CALN1: variants seen among roughly 807,000 people sequenced by gnomAD.
CALN1 encodes calneuron 1, also known as calcium-binding protein 8.
Under a neutral mutation model 30.6 loss-of-function variants are expected in CALN1, and 17 were observed. That is an observed-to-expected ratio of 0.56 (90% CI 0.38 to 0.83). The LOEUF (loss-of-function observed/expected upper bound fraction) is 0.83. Ranked by LOEUF, CALN1 falls within the 40% of genes least tolerant of loss-of-function variation. The pLI, the probability that CALN1 is intolerant of heterozygous loss-of-function variation, is 0.00. For synonymous variants in CALN1, 156 were observed against 131.4 expected (o/e 1.19, Z -1.28); for missense variants, 291 against 354.9 (o/e 0.82, Z 1.45).
intron 4 of CALN1, among the ~76,000 whole-genome samples, chr7:72,081,173 C>T (rs1805111797): frequency 6.6e-6 from 1 of 152,030 alleles, no homozygotes; most frequent in African/African-American, 2.4e-5. Context: ...TGGAAAAAAC[C>T]ATCTTCAGAA....
chr7:72,395,778 C>A (rs777304814), intron 2 of CALN1, among the ~76,000 whole-genome samples: 2 of 152,038 alleles, frequency 1.3e-5, no homozygotes, highest in Non-Finnish European at 2.9e-5. Flanking sequence ...GTCAATGGAA[C>A]AAGAGCAAGC....
intron 2 of CALN1, among the ~76,000 whole-genome samples, chr7:72,389,703 T>A (rs1585639255): frequency 6.6e-6 from 1 of 152,218 alleles, no homozygotes; most frequent in African/African-American, 2.4e-5. Flanking sequence ...GTGGATCACC[T>A]GAGGTCAGCA....
At chr7:71,994,881 C>T (rs1799167394) in intron 5 of CALN1, among the ~76,000 whole-genome samples, 1 of 142,508 alleles carries the variant, frequency 7.0e-6, no homozygotes, top group Non-Finnish European at 1.5e-5. Flanking sequence ...GAGACGGAGT[C>T]TGGCTCTGTC....
intron 5 of CALN1, among the ~76,000 whole-genome samples, chr7:71,883,313 CCT>C: frequency 6.6e-6 from 1 of 151,976 alleles, no homozygotes; most frequent in Non-Finnish European, 1.5e-5. Context: ...GTTTGGAAGG[CCT>C]AGATGGGAGG....
chr7:71,956,629 T>C lies in CALN1; in HGVS notation c.501+67028A>G, dbSNP rs118150161. Among the ~76,000 whole-genome samples the C allele has an allele frequency of 8.9e-3, 1,345 of 150,942 alleles. 8 individuals carry two copies. Among genetic ancestry groups the C allele is most frequent in the Non-Finnish European group, 0.014 (930 of 67,710 alleles). ...GGGGCTGACTGTGTCCAGTCCCAAT[T>C]TAAAGTTTTGATTGTATGTAGCAGT... On this transcript the variant is annotated intron_variant, in intron 5 of 6. Coordinates refer to ENST00000395275, the MANE Select transcript of CALN1 (RefSeq NM_031468.4).
At chr7:72,394,391 A>C (rs1489720360) in intron 2 of CALN1, among the ~76,000 whole-genome samples, 1 of 152,198 alleles carries the variant, frequency 6.6e-6, no homozygotes, top group African/African-American at 2.4e-5. Flanking sequence ...CTATGCTTGC[A>C]CAAGTTTGTA....
intron 4 of CALN1, among the ~76,000 whole-genome samples, chr7:72,093,388 C>T (rs1025588633): frequency 2.6e-5 from 4 of 152,106 alleles, no homozygotes; most frequent in African/African-American, 9.7e-5. Context: ...ACCGTACACT[C>T]GTACCAGGGA....
chr7:72,340,341 G>A (rs1188135622), intron 2 of CALN1, among the ~76,000 whole-genome samples: 1 of 134,036 alleles, frequency 7.5e-6, no homozygotes, highest in Admixed American at 8.0e-5. Context: ...CCAAAGTATT[G>A]GGATTACTAG....
chr7:71,901,389 G>T (rs1793838764), intron 5 of CALN1, among the ~76,000 whole-genome samples: 1 of 125,060 alleles, frequency 8.0e-6, no homozygotes, highest in African/African-American at 3.1e-5. Context: ...ATTTTTCACA[G>T]AATTAATAAA....
chr7:72,023,707 C>T lies in CALN1; in HGVS notation c.451G>A (p.Glu151Lys). The change falls in exon 5 of 7, where the codon GAA becomes AAA. Residue 151 changes from glutamate (E) to lysine (K), a missense_variant. By Grantham distance (56) the Glu-to-Lys change is moderately conservative. Coordinates refer to ENST00000395275, the MANE Select transcript of CALN1 (RefSeq NM_031468.4). ...TTCCCAAGAAAACCATCGCGACCTT[C>T]TGAAGACACCAGTTTGGGGCCAAGA... ...TILGPKLVSS[E>K]GRDGFLGNTI... 1.9e-6 allele frequency: 3 copies of T among 1,614,078 alleles called. No individual in the cohort carries two copies. The highest frequency in any genetic ancestry group is 3.3e-4 in the Middle Eastern group (2 of 6,062).
rs189003759 is a variant in CALN1 at position 71,894,189 on chromosome 7, G to A, written c.502-83697C>T. Among the ~76,000 whole-genome samples the A allele has an allele frequency of 2.6e-5, 4 of 152,086 alleles. No homozygotes were observed. The East Asian group carries it at 7.7e-4, about 29-fold the overall frequency. The stretch of plus-strand genomic sequence containing the variant: ...CCATCTGATGTCTTTATTTATAAAC[G>A]GGTTTAATTCTGGACCTATTATACT... On this transcript the variant is annotated intron_variant, in intron 5 of 6. Transcript: ENST00000395275.
intron 5 of CALN1, among the ~76,000 whole-genome samples, chr7:71,943,611 T>A (rs1263145659): frequency 1.3e-5 from 2 of 152,056 alleles, no homozygotes; most frequent in Non-Finnish European, 1.5e-5. Flanking sequence ...GGCTAATTTT[T>A]TTTATTTTTA....
the CALN1 span, among the ~76,000 whole-genome samples, chr7:72,480,758 A>C: frequency 6.6e-6 from 1 of 152,166 alleles, no homozygotes; most frequent in Non-Finnish European, 1.5e-5. Context: ...GAACTTTGAT[A>C]GCTTACATCT....
intron 2 of CALN1, among the ~76,000 whole-genome samples, chr7:72,371,662 A>C (rs1804250067): frequency 6.6e-6 from 1 of 152,180 alleles, no homozygotes; most frequent in Admixed American, 6.5e-5. Context: ...GAATGGACTA[A>C]TGTAGCATGT....
intron 5 of CALN1, among the ~76,000 whole-genome samples, chr7:71,941,584 G>A (rs561831885): frequency 3.2e-4 from 49 of 152,220 alleles, no homozygotes; most frequent in African/African-American, 1.2e-3. Context: ...CATGCTTAGA[G>A]AAATGCAAAT....
rs1292695799 is a variant in CALN1, at chr7:72,203,972, C to CCT, written c.244+74712_244+74713dup. ...CCATGCATAGCCTTCATATAAGAGGCCTCTCTCTTTTTTTTTTTTTTTTTT... is the reference window on the plus strand; with the variant it reads ...CCATGCATAGCCTTCATATAAGAGGCCTCTCTCTCTTTTTTTTTTTTTTTTTT... On this transcript the variant is annotated intron_variant, in intron 3 of 6. Coordinates refer to ENST00000395275, the MANE Select transcript of CALN1 (RefSeq NM_031468.4). 1.9e-4 allele frequency among the ~76,000 whole-genome samples: 25 copies of CCT among 132,800 alleles called. 1 individual carries two copies. The highest frequency in any genetic ancestry group is 5.3e-4 in the South Asian group (2 of 3,804). 87.1% of individuals were successfully genotyped at this position (132,800 alleles called of 152,430 possible).
intron 3 of CALN1, among the ~76,000 whole-genome samples, chr7:72,136,136 A>AAAATAAAT (rs138109942): frequency 0.046 from 6,458 of 140,778 alleles, 187 homozygotes; most frequent in African/African-American, 0.072. Context: ...CTCTGTCTCA[A>AAAATAAAT]AAATAAATAA....
rs149871091 is a variant in CALN1, at chr7:72,080,934, G to A, written c.388+25217C>T. 3.4e-4 allele frequency among the ~76,000 whole-genome samples: 52 copies of A among 152,196 alleles called. 1 individual carries two copies. In the Middle Eastern group the frequency reaches 0.014, roughly 40 times the overall value. ...TTCAGCTTGTCCCTGTTTGTTGCTG[G>A]TCTAGTATCCGGGCCCAATCCAGTG... On this transcript the variant is annotated intron_variant, in intron 4 of 6. Transcript: ENST00000395275.
chr7:71,988,730 C>G (rs980008917), intron 5 of CALN1, among the ~76,000 whole-genome samples: 1 of 152,144 alleles, frequency 6.6e-6, no homozygotes, highest in African/African-American at 2.4e-5. Context: ...GGCCATCGAT[C>G]AGAGCTGGTT....
Sources: allele counts gnomAD v4.1 joint callset (sites outside exome capture counted in the v4.1 genomes callset), GRCh38; gene constraint gnomAD v4.1.1; transcripts MANE v1.5; gene names NCBI Gene and HGNC (gene_info 2026-07-23, HGNC 2026-07-21).